NFU1: variants seen among roughly 807,000 people sequenced by gnomAD.
NFU1 encodes NFU1 iron-sulfur cluster scaffold homolog, mitochondrial.
NFU1 carries 30 observed loss-of-function variants against 32.2 expected under a neutral mutation model. The ratio of observed to expected loss-of-function variants is 0.93; its 90% CI spans 0.70 to 1.26. The LOEUF is 1.26. Ranked by LOEUF, NFU1 falls within the 50% of genes most tolerant of loss-of-function variation. The pLI is 0.00. For missense variants in NFU1, 306 were observed against 306.6 expected (o/e 1.00, Z 0.02); for synonymous variants, 112 against 104.6 (o/e 1.07, Z -0.43).
At chr2:69,413,974 G>A (rs1368028997) in intron 5 of NFU1, among the ~76,000 whole-genome samples, 4 of 151,674 alleles carry the variant, frequency 2.6e-5, no homozygotes, top group African/African-American at 7.3e-5. Flanking sequence ...TGGAACCCAG[G>A]AGGCAGAGGC....
At chr2:69,429,890 G>A in intron 2 of NFU1, 1 of 195,210 alleles carries the variant, frequency 5.1e-6, no homozygotes, top group Non-Finnish European at 1.1e-5. Flanking sequence ...TTAGCTGGGT[G>A]TGTTGGTACG....
At chr2:69,438,248 CT>C (rs373475726), upstream of NFU1, among the ~76,000 whole-genome samples, 20,037 of 145,444 alleles carry the variant, frequency 0.14, 1,398 homozygotes, top group Non-Finnish European at 0.16. Flanking sequence ...TTGTTACTTG[CT>C]TTTTTTTTTT....
intron 3 of NFU1, among the ~76,000 whole-genome samples, chr2:69,420,153 C>G (rs1299125562): frequency 6.6e-6 from 1 of 151,960 alleles, no homozygotes; most frequent in Non-Finnish European, 1.5e-5. Flanking sequence ...TTACAGGCGC[C>G]CACCACCACG....
rs1477747021 is a variant in NFU1, at chr2:69,423,278, G to GTA, written c.302+303_302+304insTA. Reference sequence around the variant, plus strand: ...TGTGTGTGTGTGTGTGTGTGTGTGTGTGTGTGTGTGTATGTGTGTGTGGTA... The same window carrying GTA: ...TGTGTGTGTGTGTGTGTGTGTGTGTGTATGTGTGTGTGTATGTGTGTGTGGTA... On this transcript the variant is annotated intron_variant, in intron 3 of 7. Coordinates refer to ENST00000410022, the MANE Select transcript of NFU1 (RefSeq NM_001002755.4). Among the ~76,000 whole-genome samples, 36 of 125,356 alleles carry GTA rather than the reference G, an allele frequency of 2.9e-4. No individual in the cohort carries two copies. The Admixed American group carries it at 3.0e-3, about 10-fold the overall frequency. 82.2% of individuals were successfully genotyped at this position (125,356 alleles called of 152,430 possible).
intron 1 of NFU1, 177 bp downstream of exon 1, chr2:69,437,184 C>G (rs1673871414): frequency 1.4e-6 from 2 of 1,385,248 alleles, no homozygotes; most frequent in Non-Finnish European, 1.9e-6. Context: ...CACAGAAGCG[C>G]CGAGCTCCCG....
At chr2:69,429,991 T>C in intron 2 of NFU1, 1 of 332,028 alleles carries the variant, frequency 3.0e-6, no homozygotes, top group Non-Finnish European at 6.0e-6. Context: ...ATCACATCAC[T>C]GCACTTTAGC....
At chr2:69,433,690 G>A (rs1293353953) in intron 1 of NFU1, among the ~76,000 whole-genome samples, 1 of 152,154 alleles carries the variant, frequency 6.6e-6, no homozygotes, top group African/African-American at 2.4e-5. Flanking sequence ...TGGCCAGGCT[G>A]ATCTCCAACT....
intron 2 of NFU1, among the ~76,000 whole-genome samples, chr2:69,424,878 C>CTTT (rs34708604): frequency 1.4e-4 from 19 of 133,674 alleles, no homozygotes; most frequent in African/African-American, 2.8e-4. Flanking sequence ...GGGTCAAACG[C>CTTT]TTTTTTTTTT....
chr2:69,430,201 T>TGGGG (rs1673593582), intron 2 of NFU1, among the ~76,000 whole-genome samples: 1 of 134,564 alleles, frequency 7.4e-6, no homozygotes, highest in African/African-American at 3.0e-5. Flanking sequence ...GACAGAATGA[T>TGGGG]AAAAAATATT....
At chr2:69,427,811 G>A (rs190622829) in intron 2 of NFU1, among the ~76,000 whole-genome samples, 8 of 151,548 alleles carry the variant, frequency 5.3e-5, no homozygotes, top group East Asian at 2.0e-4. Flanking sequence ...GTGAAACCCC[G>A]TCTCTACAGG....
At chr2:69,415,053 A>G in intron 5 of NFU1, 132 bp downstream of exon 5, 1 of 636,084 alleles carries the variant, frequency 1.6e-6, no homozygotes, top group Admixed American at 3.0e-5. Flanking sequence ...AATGATATAT[A>G]AATTTGCAGA....
intron 5 of NFU1, 130 bp downstream of exon 5, chr2:69,415,055 A>G: frequency 1.6e-6 from 1 of 640,872 alleles, no homozygotes; most frequent in Non-Finnish European, 2.8e-6. Flanking sequence ...TGATATATAA[A>G]TTTGCAGAGC....
intron 2 of NFU1, among the ~76,000 whole-genome samples, chr2:69,429,089 TCTG>T (rs1673555173): frequency 6.6e-6 from 1 of 152,198 alleles, no homozygotes; most frequent in Non-Finnish European, 1.5e-5. Flanking sequence ...AAGACATTCT[TCTG>T]AAAATCTGTG....
upstream of NFU1, chr2:69,437,552 T>G (rs1396704532): frequency 8.7e-7 from 1 of 1,152,938 alleles, no homozygotes; most frequent in East Asian, 2.5e-5. Flanking sequence ...CTGCTGCGGA[T>G]AAGTGCGGTG....
chr2:69,436,490 A>G (rs1046235331), intron 1 of NFU1, among the ~76,000 whole-genome samples: 2 of 152,260 alleles, frequency 1.3e-5, no homozygotes, highest in Non-Finnish European at 2.9e-5. Flanking sequence ...GAGGAAGCAC[A>G]TTCCAACATA....
At chr2:69,415,381 CTTT>C (rs34747434) in intron 4 of NFU1, 82 bp from the exon 5 acceptor site, 17 of 635,470 alleles carry the variant, frequency 2.7e-5, no homozygotes, top group Admixed American at 5.2e-5. Flanking sequence ...CCTCTTTTTT[CTTT>C]TTTTTTTTTG....
chr2:69,428,127 A>G (rs1009505605), intron 2 of NFU1, among the ~76,000 whole-genome samples: 1 of 152,122 alleles, frequency 6.6e-6, no homozygotes, highest in Non-Finnish European at 1.5e-5. Flanking sequence ...AACAATTAAA[A>G]TTTATTCAGT....
chr2:69,397,359 A>G (rs1672373233), intron 7 of NFU1, among the ~76,000 whole-genome samples: 1 of 152,216 alleles, frequency 6.6e-6, no homozygotes, highest in Admixed American at 6.5e-5. Flanking sequence ...TTATCTTTCC[A>G]TGAGTTAATG....
intron 2 of NFU1, among the ~76,000 whole-genome samples, chr2:69,424,942 T>C (rs1398400662): frequency 6.7e-6 from 1 of 148,184 alleles, no homozygotes; most frequent in Non-Finnish European, 1.5e-5. Context: ...AGTGGCGCCA[T>C]CTCTGCTCAC....
Sources: allele counts gnomAD v4.1 joint callset (sites outside exome capture counted in the v4.1 genomes callset), GRCh38; gene constraint gnomAD v4.1.1; transcripts MANE v1.5; gene names NCBI Gene and HGNC (gene_info 2026-07-23, HGNC 2026-07-21).